SLAMF9: variants seen among roughly 807,000 people sequenced by gnomAD.
SLAMF9 encodes CD2 family member 10.
SLAMF9 carries 25 observed loss-of-function variants against 30.4 expected under a neutral mutation model. The observed-to-expected ratio is 0.82, with a 90% confidence interval of 0.60 to 1.15. SLAMF9 has a LOEUF of 1.15. Among genes scored for constraint, SLAMF9 ranks in the 50% most tolerant of loss-of-function variants. SLAMF9 has a pLI of 0.00. For synonymous variants in SLAMF9, 129 were observed against 127.2 expected (o/e 1.01, Z -0.09); for missense variants, 344 against 346.1 (o/e 0.99, Z 0.05).
upstream of SLAMF9, among the ~76,000 whole-genome samples, chr1:159,959,233 C>G (rs1347893562): frequency 6.6e-6 from 1 of 152,156 alleles, no homozygotes; most frequent in Non-Finnish European, 1.5e-5. Flanking sequence ...CTAAGATGAA[C>G]TATTTTTTGT....
rs776394361 is a variant in SLAMF9 at position 159,954,184 on chromosome 1, C to T, written c.-47G>A. ...AGGTGTGATTCAGTCAGTCAGTCCC[C>T]AGGACTGTGCAGAAGACTGCATTAG... On this transcript the variant is annotated 5_prime_UTR_variant, in exon 1 of 4. The change creates a premature stop within an existing upstream ORF in the 5' untranslated region. Transcript: ENST00000368093. The T allele has an allele frequency of 1.9e-6, 3 of 1,607,734 alleles. No individual in the cohort carries two copies. The South Asian group carries it at 3.3e-5, about 18-fold the overall frequency.
chr1:159,960,072 T>A, the SLAMF9 span, among the ~76,000 whole-genome samples: 3 of 151,908 alleles, frequency 2.0e-5, no homozygotes, highest in East Asian at 1.9e-4. Flanking sequence ...CGTGCAGGTT[T>A]GTTACATATG....
upstream of SLAMF9, among the ~76,000 whole-genome samples, chr1:159,959,128 G>C (rs1163931268): frequency 2.0e-5 from 3 of 152,010 alleles, no homozygotes; most frequent in South Asian, 2.1e-4. Context: ...CCCAACTCAG[G>C]TTTCCTCACT....
At chr1:159,962,377 T>C in the SLAMF9 span, among the ~76,000 whole-genome samples, 1 of 152,118 alleles carries the variant, frequency 6.6e-6, no homozygotes, top group Non-Finnish European at 1.5e-5. Flanking sequence ...GGGCGGCGGT[T>C]CACGCCTATA....
chr1:159,970,118 C>T, the SLAMF9 span, among the ~76,000 whole-genome samples: 1 of 151,932 alleles, frequency 6.6e-6, no homozygotes, highest in Non-Finnish European at 1.5e-5. Context: ...TTTGGTATAG[C>T]CTTAAAACCA....
the SLAMF9 span, among the ~76,000 whole-genome samples, chr1:159,968,644 A>G: frequency 6.6e-6 from 1 of 152,072 alleles, no homozygotes; most frequent in Admixed American, 6.6e-5. Context: ...GAGTCATTGG[A>G]TTGTGAGGCA....
chr1:159,982,112 C>T, the SLAMF9 span, among the ~76,000 whole-genome samples: 600 of 152,310 alleles, frequency 3.9e-3, 4 homozygotes, highest in African/African-American at 0.014. Flanking sequence ...TCAATTCATC[C>T]TCCACACTGT....
chr1:159,959,721 G>T, the SLAMF9 span, among the ~76,000 whole-genome samples: 1 of 152,056 alleles, frequency 6.6e-6, no homozygotes, highest in Non-Finnish European at 1.5e-5. Flanking sequence ...AAGAGGTGTG[G>T]ACTCACAGTA....
At chr1:159,968,824 G>T in the SLAMF9 span, among the ~76,000 whole-genome samples, 1 of 152,224 alleles carries the variant, frequency 6.6e-6, no homozygotes, top group Non-Finnish European at 1.5e-5. Context: ...GCCAAGGCAG[G>T]TGGATCACCT....
the SLAMF9 span, chr1:159,972,935 A>T: frequency 1.8e-5 from 19 of 1,032,544 alleles, 1 homozygote; most frequent in South Asian, 5.1e-4. Flanking sequence ...CTCTCCTCCC[A>T]GGGGGTCCCA....
the SLAMF9 span, among the ~76,000 whole-genome samples, chr1:159,979,355 A>G: frequency 6.6e-6 from 1 of 152,220 alleles, no homozygotes; most frequent in Non-Finnish European, 1.5e-5. Flanking sequence ...ATATGCAAAC[A>G]CTGGTAGGAA....
At chr1:159,979,863 G>A in the SLAMF9 span, among the ~76,000 whole-genome samples, 1 of 152,144 alleles carries the variant, frequency 6.6e-6, no homozygotes, top group East Asian at 1.9e-4. Flanking sequence ...CCATCCTGTT[G>A]GAGGTCTCAC....
chr1:159,973,977 A>G, the SLAMF9 span: 1 of 1,610,496 alleles, frequency 6.2e-7, no homozygotes, highest in Non-Finnish European at 8.5e-7. Context: ...CACCTGAGAC[A>G]GTGGTGTATT....
At chr1:159,973,067 G>C in the SLAMF9 span, 1 of 1,467,178 alleles carries the variant, frequency 6.8e-7, no homozygotes, top group South Asian at 1.4e-5. Flanking sequence ...CCTCACACCA[G>C]TAAAGCCCAG....
At chr1:159,973,190 G>C in the SLAMF9 span, 4 of 1,486,098 alleles carry the variant, frequency 2.7e-6, no homozygotes, top group East Asian at 6.9e-5. Context: ...ACCTCAGGGG[G>C]TGCAGCTTTG....
the SLAMF9 span, chr1:159,977,006 G>A: frequency 2.0e-5 from 2 of 101,486 alleles, no homozygotes; most frequent in African/African-American, 3.9e-5. Context: ...AAGAAAGAAA[G>A]AGAAAGAAAG....
intron 2 of SLAMF9, 67 bp from the exon 3 acceptor site, chr1:159,952,601 T>C: frequency 2.6e-6 from 4 of 1,553,886 alleles, no homozygotes; most frequent in Non-Finnish European, 3.5e-6. Flanking sequence ...CCTAAGCTCC[T>C]CAAACCTGGG....
In SLAMF9 at chr1:159,952,277, C is replaced by A; in HGVS notation, c.649G>T (p.Gly217Trp). The change falls in exon 3 of 4, where the codon GGG (glycine) becomes TGG (tryptophan). Residue 217 changes from glycine to tryptophan, a missense_variant. Coordinates refer to ENST00000368093, the MANE Select transcript of SLAMF9 (RefSeq NM_033438.4). The part of the protein sequence containing the change: ...SNVSSCPIPD[G>W]PFYADPNYAS... Reference sequence around the variant, plus strand: ...GTTCTGGTACCTGCATAGAAGGGCCCATCAGGGATGGGGCAAGAACTGACG... The same window carrying A: ...GTTCTGGTACCTGCATAGAAGGGCCAATCAGGGATGGGGCAAGAACTGACG... 6.2e-7 allele frequency: 1 copy of A among 1,613,994 alleles called. No individual in the cohort carries two copies. The highest frequency in any genetic ancestry group is 1.3e-5 in the African/African-American group (1 of 74,968).
the SLAMF9 span, among the ~76,000 whole-genome samples, chr1:159,970,291 T>G: frequency 6.6e-6 from 1 of 152,162 alleles, no homozygotes; most frequent in Non-Finnish European, 1.5e-5. Context: ...GCAGACTTGC[T>G]CCCCTGAAAT....
Sources: allele counts gnomAD v4.1 joint callset (sites outside exome capture counted in the v4.1 genomes callset), GRCh38; gene constraint gnomAD v4.1.1; transcripts MANE v1.5; gene names NCBI Gene and HGNC (gene_info 2026-07-23, HGNC 2026-07-21).